Variants in NFATC2 observed in about 807,000 individuals in gnomAD.
NFATC2 encodes nuclear factor of activated T-cells, cytoplasmic 2.
Under a neutral mutation model 87.3 loss-of-function variants are expected in NFATC2, and 22 were observed. The observed-to-expected ratio is 0.25, with a 90% CI of 0.18 to 0.36. The LOEUF (loss-of-function observed/expected upper bound fraction) is 0.36, where lower values mean the gene tolerates loss of function less well. NFATC2 is among the 10% of genes least tolerant of loss of function. The pLI, the probability that NFATC2 is intolerant of heterozygous loss-of-function variation, is 1.00. For synonymous variants in NFATC2, 565 were observed against 542.2 expected, an observed-to-expected ratio of 1.04 and a Z score of -0.58; for missense variants, 1,149 against 1,259.1, an observed-to-expected ratio of 0.91 and a Z score of 1.32.
chr20:51,525,885 A>G (rs977154632), intron 1 of NFATC2, among the ~76,000 whole-genome samples: 1 of 151,612 alleles, frequency 6.6e-6, no homozygotes, highest in Non-Finnish European at 1.5e-5. Flanking sequence ...GATGGAACCT[A>G]AAGTCACTAA....
chr20:51,531,241 A>G (rs2076628610), intron 1 of NFATC2, among the ~76,000 whole-genome samples: 1 of 152,244 alleles, frequency 6.6e-6, no homozygotes, highest in Admixed American at 6.5e-5. Flanking sequence ...GCCTGCGCAC[A>G]GCAGAGGCCC....
intron 3 of NFATC2, among the ~76,000 whole-genome samples, chr20:51,481,148 A>C (rs1012847119): frequency 6.6e-6 from 1 of 152,210 alleles, no homozygotes; most frequent in African/African-American, 2.4e-5. Flanking sequence ...CTCATTCTGG[A>C]AGAGCCTTCC....
chr20:51,453,781 G>A (rs1030025226), intron 6 of NFATC2, among the ~76,000 whole-genome samples: 3 of 152,208 alleles, frequency 2.0e-5, no homozygotes, highest in Admixed American at 6.5e-5. Context: ...GGCATTTCTG[G>A]GATGGGGGTG....
chr20:51,521,582 A>G (rs974614408), intron 2 of NFATC2, among the ~76,000 whole-genome samples: 10 of 152,178 alleles, frequency 6.6e-5, no homozygotes, highest in African/African-American at 2.4e-4. Flanking sequence ...CGGCCTCCCA[A>G]AGTGCTGGGA....
intron 9 of NFATC2, among the ~76,000 whole-genome samples, chr20:51,404,859 CAG>C (rs909660305): frequency 1.3e-5 from 2 of 152,230 alleles, no homozygotes; most frequent in African/African-American, 4.8e-5. Context: ...CTCTGCAAAC[CAG>C]AGGCCTCCGG....
At chr20:51,401,417 G>C (rs116439145) in intron 9 of NFATC2, among the ~76,000 whole-genome samples, 4,346 of 152,122 alleles carry the variant, frequency 0.029, 93 homozygotes, top group African/African-American at 0.058. Flanking sequence ...CCCTAAAGAA[G>C]ATGGAAGAGA....
chr20:51,558,526 T>C lies in NFATC2; in HGVS notation c.70+4034A>G, dbSNP rs180790354. On this transcript the variant is annotated intron_variant, in intron 1 of 10. Coordinates refer to the NFATC2 transcript ENST00000414705. The stretch of plus-strand genomic sequence containing the variant: ...AATGTTGAAATAATAAATTATACAA[T>C]AGTAATGACCGCAATTATTTTTTGA... 6.5e-3 allele frequency among the ~76,000 whole-genome samples: 989 copies of C among 152,182 alleles called. 5 individuals carry two copies. The highest frequency in any genetic ancestry group is 0.01 in the Non-Finnish European group (713 of 68,014).
In NFATC2 at chr20:51,398,693, T is replaced by C. The variant is rs754095276; in HGVS notation, c.2760A>G (p.Ile920Met). Residue 920 changes from isoleucine (I) to methionine (M), a missense_variant, in exon 10 of 11, where the codon ATA (isoleucine) becomes ATG (methionine). Transcript: ENST00000371564. ...AGATCACAGTCATTCTGTTTCATAA[T>C]ATGTTTTGTATCCAGCTAAGGTGTG... The part of the protein sequence containing the change: ...IDTHLSWIQN[I>M]L 1.1e-5 allele frequency: 18 copies of C among 1,613,328 alleles called. No homozygotes were observed. The highest frequency in any genetic ancestry group is 1.1e-4 in the South Asian group (10 of 90,990).
rs200465200 is a variant in NFATC2 at position 51,435,168 on chromosome 20, T to C, written c.2032+20A>G. 2.2e-5 allele frequency: 36 copies of C among 1,613,334 alleles called. No homozygotes were observed. In the East Asian group the frequency reaches 4.2e-4, roughly 19 times the overall value. On this transcript the variant is annotated intron_variant, in intron 8 of 10. Transcript: ENST00000371564. ...GTACTGCCTCTCAATAACAAAGGGGTCATCAGAAACACTCCTTACCTGGGT... is the reference window on the plus strand; with the variant it reads ...GTACTGCCTCTCAATAACAAAGGGGCCATCAGAAACACTCCTTACCTGGGT...
At chr20:51,492,214 C>T (rs2075903759) in intron 3 of NFATC2, among the ~76,000 whole-genome samples, 1 of 152,100 alleles carries the variant, frequency 6.6e-6, no homozygotes, top group Non-Finnish European at 1.5e-5. Context: ...GACGAGGTCC[C>T]TGGCTGCCAG....
intron 3 of NFATC2, among the ~76,000 whole-genome samples, chr20:51,498,452 T>C (rs2076025674): frequency 6.6e-6 from 1 of 151,772 alleles, no homozygotes; most frequent in Non-Finnish European, 1.5e-5. Context: ...GTGAAGGGGT[T>C]GGAAGGGAGG....
chr20:51,402,534 G>GAAAC (rs915487034), intron 9 of NFATC2, among the ~76,000 whole-genome samples: 2 of 150,426 alleles, frequency 1.3e-5, no homozygotes, highest in South Asian at 2.1e-4. Flanking sequence ...TGAGACATAG[G>GAAAC]AAACAAACAG....
intron 5 of NFATC2, among the ~76,000 whole-genome samples, chr20:51,465,205 T>C (rs1987553373): frequency 6.6e-6 from 1 of 152,108 alleles, no homozygotes; most frequent in Non-Finnish European, 1.5e-5. Context: ...CTGGCCAACA[T>C]GGTGAAACCC....
intron 9 of NFATC2, 146 bp from the exon 10 acceptor site, chr20:51,398,876 A>T (rs919383635): frequency 4.8e-6 from 3 of 630,640 alleles, no homozygotes; most frequent in Non-Finnish European, 8.5e-6. Context: ...ATTCTGCAAC[A>T]TCTTAGCATT....
intron 5 of NFATC2, among the ~76,000 whole-genome samples, chr20:51,459,903 C>T (rs1199405558): frequency 6.6e-6 from 1 of 151,730 alleles, no homozygotes; most frequent in Non-Finnish European, 1.5e-5. Flanking sequence ...AGAAACAAAA[C>T]AAAACAAAAA....
chr20:51,460,711 G>A (rs1482277809), intron 5 of NFATC2, among the ~76,000 whole-genome samples: 2 of 151,372 alleles, frequency 1.3e-5, no homozygotes, highest in African/African-American at 2.4e-5. Context: ...GAGCTCAGGC[G>A]ATCCGCACGC....
At chr20:51,540,272 C>CA (rs1351286116) in intron 1 of NFATC2, among the ~76,000 whole-genome samples, 1 of 152,202 alleles carries the variant, frequency 6.6e-6, no homozygotes, top group Admixed American at 6.5e-5. Context: ...CTCAGCCTCC[C>CA]AAAGTGTTGG....
At chr20:51,534,293 T>C (rs949318928) in intron 1 of NFATC2, among the ~76,000 whole-genome samples, 1 of 152,160 alleles carries the variant, frequency 6.6e-6, no homozygotes, top group Non-Finnish European at 1.5e-5. Flanking sequence ...GCTGTACATG[T>C]GTAGCATGCA....
chr20:51,534,437 C>T (rs918100533), intron 1 of NFATC2, among the ~76,000 whole-genome samples: 2 of 152,332 alleles, frequency 1.3e-5, no homozygotes, highest in South Asian at 4.1e-4. Context: ...AGGGTTCAAG[C>T]AATTCTCCTG....
Sources: gnomAD v4.1 joint callset for allele counts (sites outside exome capture counted in the v4.1 genomes callset) on GRCh38, gnomAD v4.1.1 for gene constraint, MANE v1.5 for transcripts, NCBI Gene and HGNC (gene_info 2026-07-23, HGNC 2026-07-21) for gene names.